The following GCSAML variants were observed in gnomAD, a reference collection of about 807,000 sequenced individuals.
GCSAML encodes the protein germinal center associated signaling and motility like.
In GCSAML, 9 loss-of-function variants were observed where a neutral mutation model predicts 13.0. The ratio of observed to expected loss-of-function variants is 0.69; its 90% CI spans 0.42 to 1.21. The LOEUF is 1.21. Ranked by LOEUF, GCSAML falls within the 50% of genes most tolerant of loss-of-function variation. The pLI, the probability that GCSAML is intolerant of heterozygous loss-of-function variation, is 0.00. For synonymous variants in GCSAML, 37 were observed against 52.9 expected, an observed-to-expected ratio of 0.70 and a Z score of 1.31; for missense variants, 143 against 153.4, an observed-to-expected ratio of 0.93 and a Z score of 0.36.
chr1:247,550,391 A>G (rs1335465723), intron 1 of GCSAML, among the ~76,000 whole-genome samples: 1 of 152,162 alleles, frequency 6.6e-6, no homozygotes, highest in Non-Finnish European at 1.5e-5. Flanking sequence ...TAATCCCAGC[A>G]CTTTGGGAGG....
chr1:247,538,583 T>C, intron 2 of GCSAML: 1 of 351,598 alleles, frequency 2.8e-6, no homozygotes, highest in South Asian at 2.2e-5. Flanking sequence ...CAGCCTAATG[T>C]CATAAGATTG....
chr1:247,522,623 A>G (rs1398453253), intron 1 of GCSAML, among the ~76,000 whole-genome samples: 3 of 151,934 alleles, frequency 2.0e-5, no homozygotes, highest in Admixed American at 2.0e-4. Context: ...CCCCAACCCC[A>G]TGCTCTCTGA....
intron 2 of GCSAML, chr1:247,531,677 A>G (rs760900043): frequency 9.3e-6 from 15 of 1,614,202 alleles, no homozygotes; most frequent in Admixed American, 6.7e-5. Flanking sequence ...ACTACGGTGT[A>G]GAACAGAGCT....
rs932098135 is a variant in GCSAML, at chr1:247,527,236, T to C, written c.-148+182T>C. ...TCTGTGCCAAACAGGGGCTGATGGA[T>C]GGTCAGGGCAAAGCACAGTGCTGTC... is the stretch of plus-strand genomic sequence containing the variant. On this transcript the variant is annotated intron_variant, in intron 2 of 5. Coordinates refer to the GCSAML transcript ENST00000366489. The surrounding 1 kb of genome is among the most constrained non-coding windows in gnomAD (Gnocchi z 4.6). The C allele has an allele frequency of 2.6e-6, 1 of 378,686 alleles. No homozygotes were observed. Among genetic ancestry groups the C allele is most frequent in the Non-Finnish European group, 5.2e-6 (1 of 192,014 alleles). 23.5% of individuals were successfully genotyped at this position (378,686 alleles called of 1,614,324 possible). A position where few individuals can be genotyped will look rare whatever the true frequency, so the allele number is the denominator to read the frequency against.
intron 1 of GCSAML, among the ~76,000 whole-genome samples, chr1:247,511,521 G>C (rs1046911966): frequency 4.6e-5 from 7 of 152,072 alleles, no homozygotes; most frequent in Non-Finnish European, 1.0e-4. Context: ...TCATATTTAA[G>C]GTTAATATTG....
intron 2 of GCSAML, among the ~76,000 whole-genome samples, chr1:247,562,388 C>A (rs1456544805): frequency 2.6e-5 from 4 of 152,122 alleles, no homozygotes; most frequent in African/African-American, 4.8e-5. Context: ...CAGGTTTCCT[C>A]CTGCTTCCCA....
At chr1:247,519,285 T>C (rs1666333734) in intron 1 of GCSAML, 1 of 152,246 alleles carries the variant, frequency 6.6e-6, no homozygotes. Context: ...AGTGGGGTTT[T>C]ACAGGCAGAT....
intron 2 of GCSAML, among the ~76,000 whole-genome samples, chr1:247,536,855 ATAGAC>A (rs1667236110): frequency 6.6e-6 from 1 of 152,190 alleles, no homozygotes; most frequent in African/African-American, 2.4e-5. Context: ...ACATGCTGCT[ATAGAC>A]TCTTTTTTTA....
intron 1 of GCSAML, among the ~76,000 whole-genome samples, chr1:247,549,706 A>G (rs1667701271): frequency 6.6e-6 from 1 of 152,208 alleles, no homozygotes; most frequent in Non-Finnish European, 1.5e-5. Flanking sequence ...TGGTATGAGA[A>G]TGAACAGTTA....
rs547597854 is a variant in GCSAML at position 247,507,342 on chromosome 1, T to C, written c.-263+109T>C. On this transcript the variant is annotated intron_variant, in intron 1 of 5. Coordinates refer to the GCSAML transcript ENST00000366489. Reference sequence around the variant, plus strand: ...TAATTACCATCTTACTATCACTGAGTCATAGCTAAAATCAGGAAATTATTC... The same window carrying C: ...TAATTACCATCTTACTATCACTGAGCCATAGCTAAAATCAGGAAATTATTC... 3.9e-5 allele frequency: 6 copies of C among 152,296 alleles called. No homozygotes were observed. In the South Asian group the frequency reaches 1.2e-3, roughly 32 times the overall value. 9.4% of individuals were successfully genotyped at this position (152,296 alleles called of 1,614,324 possible).
chr1:247,555,809 CT>C (rs1667927912), intron 1 of GCSAML, among the ~76,000 whole-genome samples: 1 of 152,214 alleles, frequency 6.6e-6, no homozygotes, highest in Non-Finnish European at 1.5e-5. Flanking sequence ...CGCAAATCAC[CT>C]GATTTCTCTA....
chr1:247,565,049 G>T (rs1255054098), intron 3 of GCSAML, among the ~76,000 whole-genome samples: 1 of 152,162 alleles, frequency 6.6e-6, no homozygotes, highest in African/African-American at 2.4e-5. Flanking sequence ...TTTCTGCACA[G>T]CAAAAATAAC....
chr1:247,528,337 G>A (rs1490715858), intron 2 of GCSAML: 1 of 152,160 alleles, frequency 6.6e-6, no homozygotes, highest in Non-Finnish European at 1.5e-5. Flanking sequence ...TCAAATCAAG[G>A]TAATTAACAT....
At chr1:247,540,094 C>T (rs915587645) in intron 2 of GCSAML, among the ~76,000 whole-genome samples, 2 of 152,202 alleles carry the variant, frequency 1.3e-5, no homozygotes, top group Admixed American at 1.3e-4. Flanking sequence ...CTTTTTGATA[C>T]AGAGTCTCGC....
intron 1 of GCSAML, among the ~76,000 whole-genome samples, chr1:247,522,781 G>A (rs930701339): frequency 3.9e-5 from 6 of 152,130 alleles, no homozygotes; most frequent in Non-Finnish European, 8.8e-5. Flanking sequence ...ACTGCGGAAG[G>A]CCGCAGGGCC....
rs1238849328 is a variant in GCSAML at position 247,555,424 on chromosome 1, T to A, written c.30-983T>A. Reference sequence around the variant, plus strand: ...GTGACTATTATACAAAATCTCTACATCAGCAACTGATTCTATAAAAAGCCC... The same window carrying A: ...GTGACTATTATACAAAATCTCTACAACAGCAACTGATTCTATAAAAAGCCC... On this transcript the variant is annotated intron_variant, in intron 1 of 4. Transcript: ENST00000366488. Among the ~76,000 whole-genome samples the A allele has an allele frequency of 4.6e-5, 7 of 152,336 alleles. No individual in the cohort carries two copies. In the East Asian group the frequency reaches 1.3e-3, roughly 29 times the overall value.
chr1:247,532,568 G>A, intron 2 of GCSAML: 1 of 1,520,518 alleles, frequency 6.6e-7, no homozygotes. Flanking sequence ...GGCATACAGG[G>A]CATGAGACAT....
rs148547830 is a variant in GCSAML, at chr1:247,533,165, T to C, written c.-148+6111T>C. Among the ~76,000 whole-genome samples the C allele has an allele frequency of 2.8e-3, 432 of 152,248 alleles. 3 individuals carry two copies. The highest frequency in any genetic ancestry group is 0.01 in the African/African-American group (416 of 41,536). On this transcript the variant is annotated intron_variant, in intron 2 of 5. Coordinates refer to the GCSAML transcript ENST00000366489. Reference sequence around the variant, plus strand: ...CCTGCCACTCTGGCCCATCTTGCCATCATTTATCATCTGAATTTTGATCTA... The same window carrying C: ...CCTGCCACTCTGGCCCATCTTGCCACCATTTATCATCTGAATTTTGATCTA...
chr1:247,540,936 C>A (rs1352173135), intron 2 of GCSAML, among the ~76,000 whole-genome samples: 1 of 152,188 alleles, frequency 6.6e-6, no homozygotes, highest in Non-Finnish European at 1.5e-5. Context: ...TGCATATCCT[C>A]ATTTTTATAT....
Sources: allele counts gnomAD v4.1 joint callset (sites outside exome capture counted in the v4.1 genomes callset), GRCh38; gene constraint gnomAD v4.1.1; non-coding constraint Gnocchi (gnomAD v3.1); transcripts MANE v1.5; gene names NCBI Gene and HGNC (gene_info 2026-07-23, HGNC 2026-07-21).